Variants in MTA3 observed in about 807,000 individuals in gnomAD.
The protein encoded by MTA3 is metastasis associated 1 family member 3.
In MTA3, 34 loss-of-function variants were observed where a neutral mutation model predicts 83.5. That is an observed-to-expected ratio of 0.41 (90% CI 0.31 to 0.54). MTA3 has a LOEUF of 0.54. Among genes scored for constraint, MTA3 ranks in the 20% least tolerant of loss-of-function variants. The pLI, the probability that MTA3 is intolerant of heterozygous loss-of-function variation, is 0.33. For missense variants in MTA3, 761 were observed against 726.4 expected (o/e 1.05, Z -0.55); for synonymous variants, 303 against 252.7 (o/e 1.20, Z -1.89).
chr2:42,628,126 C>T (rs1181760009), intron 4 of MTA3, among the ~76,000 whole-genome samples: 1 of 152,172 alleles, frequency 6.6e-6, no homozygotes, highest in East Asian at 1.9e-4. Context: ...TTGTGATCCA[C>T]CCGCCTTGGC....
intron 6 of MTA3, among the ~76,000 whole-genome samples, chr2:42,653,530 A>G (rs1688899894): frequency 6.6e-6 from 1 of 152,252 alleles, no homozygotes; most frequent in Admixed American, 6.5e-5. Context: ...GGTCTGTTCA[A>G]AATGGGAATC....
intron 8 of MTA3, among the ~76,000 whole-genome samples, chr2:42,665,023 G>T (rs1558559497): frequency 6.6e-6 from 1 of 152,144 alleles, no homozygotes; most frequent in Non-Finnish European, 1.5e-5. Flanking sequence ...ATTCATAATT[G>T]TTAAAAAACA....
Position 42,756,317 on chromosome 2 carries a change from CCT to C in MTA3, c.*2922_*2923del. On this transcript the variant is annotated 3_prime_UTR_variant, in exon 17 of 17. Transcript: ENST00000405094. ...CCCAGGCAGAGAGAGGGGGCCCCAG[CCT>C]CTCCCCTCCTCTTGGCCTCCAGAGT... 1 of 361,514 alleles carries C rather than the reference CCT, an allele frequency of 2.8e-6. No individual in the cohort carries two copies. Among genetic ancestry groups the C allele is most frequent in the Middle Eastern group, 1.4e-3 (1 of 710 alleles). The allele number at this position is 361,514 out of a possible 1,614,324, so 22.4% of individuals were successfully genotyped here.
chr2:42,518,968 AACACAC>A (rs60877713), intron 2 of MTA3, among the ~76,000 whole-genome samples: 5,273 of 114,488 alleles, frequency 0.046, 228 homozygotes, highest in East Asian at 0.076. Context: ...CCTTTCTCAA[AACACAC>A]ACACACACAC....
chr2:42,756,115 A>G lies in MTA3; in HGVS notation c.*2716A>G. 1 of 729,344 alleles carries G rather than the reference A, an allele frequency of 1.4e-6. No homozygotes were observed. The highest frequency in any genetic ancestry group is 1.7e-6 in the Non-Finnish European group (1 of 595,716). The allele number at this position is 729,344 out of a possible 1,614,324, so 45.2% of individuals were successfully genotyped here. A position where few individuals can be genotyped will look rare whatever the true frequency, so the allele number is the denominator to read the frequency against. On this transcript the variant is annotated 3_prime_UTR_variant, in exon 17 of 17. Transcript: ENST00000405094. ...AGGCAAAACAGGGGAGTGAGGGGCA[A>G]CCCAGAGGTGGGGAACAACAACAGC...
intron 3 of MTA3, among the ~76,000 whole-genome samples, chr2:42,598,449 A>C (rs1420284101): frequency 6.6e-6 from 1 of 152,180 alleles, no homozygotes; most frequent in Non-Finnish European, 1.5e-5. Flanking sequence ...TTCATTTAGC[A>C]TTCCAAATCA....
At chr2:42,503,565 T>C (rs907460338) in intron 2 of MTA3, among the ~76,000 whole-genome samples, 3 of 152,218 alleles carry the variant, frequency 2.0e-5, no homozygotes, top group Non-Finnish European at 2.9e-5. Flanking sequence ...AAACTACTGT[T>C]ACCTTCTTGC....
intron 6 of MTA3, among the ~76,000 whole-genome samples, chr2:42,651,731 G>A (rs757892600): frequency 6.6e-6 from 1 of 151,460 alleles, no homozygotes. Context: ...CCAGGAGATT[G>A]AAGCTGCAGT....
chr2:42,688,974 TG>T (rs1321104612), intron 9 of MTA3, among the ~76,000 whole-genome samples: 1 of 152,212 alleles, frequency 6.6e-6, no homozygotes, highest in African/African-American at 2.4e-5. Context: ...GTTTTGTTTT[TG>T]TATGTATCTT....
rs1200492478 is a variant in MTA3, at chr2:42,756,857, A to C, written c.*3458A>C. 4.1e-6 allele frequency: 4 copies of C among 985,346 alleles called. No homozygotes were observed. The highest frequency in any genetic ancestry group is 4.8e-6 in the Non-Finnish European group (4 of 829,956). 61.0% of individuals were successfully genotyped at this position (985,346 alleles called of 1,614,324 possible). On this transcript the variant is annotated 3_prime_UTR_variant, in exon 17 of 17. Coordinates refer to ENST00000405094, the MANE Select transcript of MTA3 (RefSeq NM_001330442.2). ...TTCCGCAGGATAATTCGTTCTGAGC[A>C]TGATACCACAGTGTGGATTGTCTGT...
intron 2 of MTA3, among the ~76,000 whole-genome samples, chr2:42,572,574 TAAAA>T (rs112432253): frequency 2.7e-5 from 4 of 148,652 alleles, no homozygotes; most frequent in African/African-American, 7.4e-5. Context: ...GTCTCGAAAT[TAAAA>T]AAAAAAATTA....
chr2:42,726,936 T>C (rs1269279513), intron 16 of MTA3, among the ~76,000 whole-genome samples: 3 of 152,306 alleles, frequency 2.0e-5, no homozygotes, highest in Admixed American at 1.3e-4. Flanking sequence ...CTTGCACTGG[T>C]AATCCCAGCA....
intron 8 of MTA3, among the ~76,000 whole-genome samples, chr2:42,667,633 G>GTGT (rs1164701202): frequency 1.6e-4 from 23 of 143,314 alleles, no homozygotes; most frequent in Middle Eastern, 3.6e-3. Flanking sequence ...GAGAGAGAGA[G>GTGT]AGAGAGAGAG....
Position 42,754,336 on chromosome 2 carries a change from GTGTT to G in MTA3, c.*941_*944del, listed in dbSNP as rs1181695633. ...CCTAGAGGTGTGGAGTGAGAGAACT[GTGTT>G]TGTGGGTATGAGTCTGTGTGGCCAA... On this transcript the variant is annotated 3_prime_UTR_variant, in exon 17 of 17. Transcript: ENST00000405094. 1 of 985,360 alleles carries G rather than the reference GTGTT, an allele frequency of 1.0e-6. No homozygotes were observed. The highest frequency in any genetic ancestry group is 1.2e-6 in the Non-Finnish European group (1 of 829,974). 61.0% of individuals were successfully genotyped at this position (985,360 alleles called of 1,614,324 possible).
chr2:42,715,403 C>T (rs10182499), intron 14 of MTA3, among the ~76,000 whole-genome samples: 93,624 of 144,824 alleles, frequency 0.65, 30,839 homozygotes, highest in African/African-American at 0.8. Context: ...TTGCCACCAA[C>T]TACTTTTTTT....
chr2:42,659,655 T>C, intron 7 of MTA3, 108 bp from the exon 8 acceptor site: 2 of 755,890 alleles, frequency 2.6e-6, no homozygotes, highest in Non-Finnish European at 3.7e-6. Flanking sequence ...TTTTTGCCTC[T>C]TCTTTTACAG....
At chr2:42,663,793 C>T (rs529832991) in intron 8 of MTA3, among the ~76,000 whole-genome samples, 41 of 152,226 alleles carry the variant, frequency 2.7e-4, no homozygotes, top group African/African-American at 9.4e-4. Context: ...GTAATACTTG[C>T]CTCTTATGCT....
chr2:42,531,869 G>T (rs373368534), intron 2 of MTA3, among the ~76,000 whole-genome samples: 3 of 151,786 alleles, frequency 2.0e-5, no homozygotes, highest in African/African-American at 2.4e-5. Flanking sequence ...CCATTCTCCC[G>T]CCTCAGCCTC....
At chr2:42,686,521 TAAA>T (rs55755916) in intron 9 of MTA3, among the ~76,000 whole-genome samples, 2 of 148,604 alleles carry the variant, frequency 1.3e-5, no homozygotes, top group Non-Finnish European at 1.5e-5. Flanking sequence ...CTCTGCCTCT[TAAA>T]AAAAAAAAAG....
Sources: allele counts gnomAD v4.1 joint callset (sites outside exome capture counted in the v4.1 genomes callset), GRCh38; gene constraint gnomAD v4.1.1; transcripts MANE v1.5; gene names NCBI Gene and HGNC (gene_info 2026-07-23, HGNC 2026-07-21).